MTR: variants seen among roughly 807,000 people sequenced by gnomAD.
The protein encoded by MTR is methionine synthase.
In MTR, 84 loss-of-function variants were observed where a neutral mutation model predicts 154.8. The ratio of observed to expected loss-of-function variants is 0.54; its 90% CI spans 0.45 to 0.65. The LOEUF is 0.65. Ranked by LOEUF, MTR falls within the 30% of genes least tolerant of loss-of-function variation. The pLI, the probability that MTR is intolerant of heterozygous loss-of-function variation, is 0.00. For missense variants in MTR, 1,275 were observed against 1,570.2 expected (o/e 0.81, Z 3.18); for synonymous variants, 554 against 553.9 (o/e 1.00, Z 0.00).
rs1660310374 is a variant in MTR, at chr1:236,795,418, G to A, written c.-286G>A. On this transcript the variant is annotated 5_prime_UTR_variant, in exon 1 of 33. Coordinates refer to ENST00000366577, the MANE Select transcript of MTR (RefSeq NM_000254.3). ...CCGTCCCGCGACTCCGCCTCTGGCC[G>A]CGCGTGTCTGGCTGCTAGGCCGACA... 6.8e-7 allele frequency: 1 copy of A among 1,463,234 alleles called. No homozygotes were observed. Among genetic ancestry groups the A allele is most frequent in the East Asian group, 2.9e-5 (1 of 34,672 alleles). The allele number at this position is 1,463,234 out of a possible 1,614,324, so 90.6% of individuals were successfully genotyped here.
chr1:236,806,244 C>T lies in MTR; in HGVS notation c.339+11C>T. Reference sequence around the variant, plus strand: ...GGCCTTGAACACTTGGTAAGAATTCCATTGTTCCATGTGTCTAAGATGCTT... The same window carrying T: ...GGCCTTGAACACTTGGTAAGAATTCTATTGTTCCATGTGTCTAAGATGCTT... On this transcript the variant is annotated intron_variant, in intron 3 of 32. Transcript: ENST00000366577. The T allele has an allele frequency of 6.2e-7, 1 of 1,601,988 alleles. No individual in the cohort carries two copies. Among genetic ancestry groups the T allele is most frequent in the Non-Finnish European group, 8.6e-7 (1 of 1,169,048 alleles).
In MTR at chr1:236,852,358, G is replaced by A. The variant is rs543974983; in HGVS notation, c.1696-163G>A. Among the ~76,000 whole-genome samples the A allele has an allele frequency of 2.0e-5, 3 of 152,062 alleles. No homozygotes were observed. The East Asian group carries it at 5.8e-4, about 29-fold the overall frequency. The stretch of plus-strand genomic sequence containing the variant: ...CAGCGCCTTTGTAATACTGTAATAC[G>A]GCAAGCTTTGGTCTATGTCTAGTAA... On this transcript the variant is annotated intron_variant, in intron 16 of 32. Coordinates refer to ENST00000366577, the MANE Select transcript of MTR (RefSeq NM_000254.3).
In MTR at chr1:236,885,328, G is replaced by T. The variant is rs1047231016; in HGVS notation, c.2775+109G>T. The T allele has an allele frequency of 2.7e-5, 20 of 737,878 alleles. 1 individual carries two copies. Among genetic ancestry groups the T allele is most frequent in the Non-Finnish European group, 4.5e-5 (19 of 420,586 alleles). 45.7% of individuals were successfully genotyped at this position (737,878 alleles called of 1,614,324 possible). A position where few individuals can be genotyped will look rare whatever the true frequency, so the allele number is the denominator to read the frequency against. On this transcript the variant is annotated intron_variant, in intron 26 of 32. Transcript: ENST00000366577. Reference sequence around the variant, plus strand: ...GTTTTGAGGAGTGTAAAAGGCTTTGGATCATTTTAGAGAATTTCTGTCTTC... The same window carrying T: ...GTTTTGAGGAGTGTAAAAGGCTTTGTATCATTTTAGAGAATTTCTGTCTTC...
At position 236,888,884 on chromosome 1, in the gene MTR, G is replaced by A. The variant is rs1236851458; in HGVS notation, c.2852-297G>A. Among the ~76,000 whole-genome samples, 6 of 152,342 alleles carry A rather than the reference G, an allele frequency of 3.9e-5. No individual in the cohort carries two copies. In the South Asian group the frequency reaches 6.2e-4, roughly 16 times the overall value. On this transcript the variant is annotated intron_variant, in intron 27 of 32. Coordinates refer to ENST00000366577, the MANE Select transcript of MTR (RefSeq NM_000254.3). ...ACCTTGTCTTCATTTGTGCAAGTGAGGATTAACCCGTCTGTCTTTCCTTCT... is the reference window on the plus strand; with the variant it reads ...ACCTTGTCTTCATTTGTGCAAGTGAAGATTAACCCGTCTGTCTTTCCTTCT...
chr1:236,820,564 A>C lies in MTR; in HGVS notation c.765-3555A>C, dbSNP rs1460360226. ...GTTAAGTAACATGGAAATAAGGCTGATGGAAAATAAGCGTCAGTTTCTTAA... is the reference window on the plus strand; with the variant it reads ...GTTAAGTAACATGGAAATAAGGCTGCTGGAAAATAAGCGTCAGTTTCTTAA... On this transcript the variant is annotated intron_variant, in intron 8 of 32. Transcript: ENST00000366577. 1.2e-5 allele frequency: 7 copies of C among 578,204 alleles called. No individual in the cohort carries two copies. In the Admixed American group the frequency reaches 2.0e-4, roughly 17 times the overall value. 35.8% of individuals were successfully genotyped at this position (578,204 alleles called of 1,614,324 possible).
intron 8 of MTR, among the ~76,000 whole-genome samples, chr1:236,823,573 C>T (rs984434265): frequency 6.6e-6 from 1 of 152,050 alleles, no homozygotes. Flanking sequence ...TTAGAGATCA[C>T]ATAGTCTAGT....
rs933687124 is a variant in MTR at position 236,901,850 on chromosome 1, A to G, written c.*4206A>G. The G allele has an allele frequency of 6.6e-6, 1 of 152,154 alleles. No individual in the cohort carries two copies. The highest frequency in any genetic ancestry group is 2.4e-5 in the African/African-American group (1 of 41,398). The allele number at this position is 152,154 out of a possible 1,614,324, so 9.4% of individuals were successfully genotyped here. On this transcript the variant is annotated 3_prime_UTR_variant, in exon 33 of 33. Transcript: ENST00000366577. Reference sequence around the variant, plus strand: ...ATCATTCTGGGGATTCCATTTCAACATGATTTGGGGGATACATCAGACCAT... The same window carrying G: ...ATCATTCTGGGGATTCCATTTCAACGTGATTTGGGGGATACATCAGACCAT...
At position 236,815,623 on chromosome 1, in the gene MTR, A is replaced by C. The variant is rs1304651259; in HGVS notation, c.629A>C (p.Gln210Pro). Residue 210 changes from glutamine (Q) to proline (P), a missense_variant, in exon 7 of 33, where the codon CAA becomes CCA. Gln to Pro is a moderately conservative substitution (Grantham distance 76). Coordinates refer to ENST00000366577, the MANE Select transcript of MTR (RefSeq NM_000254.3). The stretch of plus-strand genomic sequence containing the variant: ...TGACAGGCAGCCTTGTTTGCACTCC[A>C]AAATCTTTTTGAGGAGAAATATGCT... ...ANAKAALFAL[Q>P]NLFEEKYAPR... 4 of 1,613,936 alleles carry C rather than the reference A, an allele frequency of 2.5e-6. No individual in the cohort carries two copies. In the South Asian group the frequency reaches 4.4e-5, roughly 18 times the overall value.
In MTR at chr1:236,891,556, C is replaced by T. The variant is rs112661681; in HGVS notation, c.3204+227C>T. ...GCAGGACCACTCAGCAGGAGTGAGG[C>T]GTTTAATATTGTGTTCCATGGATGG... On this transcript the variant is annotated intron_variant, in intron 29 of 32. Transcript: ENST00000366577. Among the ~76,000 whole-genome samples the T allele has an allele frequency of 9.2e-3, 1,400 of 152,098 alleles. 13 individuals carry two copies. Among genetic ancestry groups the T allele is most frequent in the African/African-American group, 0.03 (1,250 of 41,472 alleles).
At chr1:236,876,506 A>G (rs1665441447) in intron 24 of MTR, among the ~76,000 whole-genome samples, 1 of 152,226 alleles carries the variant, frequency 6.6e-6, no homozygotes, top group South Asian at 2.1e-4. Flanking sequence ...GAAAGACTTT[A>G]ATATCAACTG....
chr1:236,820,075 C>CTT, intron 8 of MTR: 1 of 776,440 alleles, frequency 1.3e-6, no homozygotes, highest in Non-Finnish European at 2.3e-6. Context: ...TACCATTGCG[C>CTT]TGTGTAACAC....
At chr1:236,849,997 T>C (rs1056365938) in intron 15 of MTR, among the ~76,000 whole-genome samples, 2 of 152,172 alleles carry the variant, frequency 1.3e-5, no homozygotes, top group African/African-American at 2.4e-5. Context: ...TATGCATGTA[T>C]TTTTAGAAGC....
In MTR at chr1:236,891,261, C is replaced by T; in HGVS notation, c.3136C>T (p.Leu1046=). 1 of 1,614,158 alleles carries T rather than the reference C, an allele frequency of 6.2e-7. No homozygotes were observed. The highest frequency in any genetic ancestry group is 1.1e-5 in the South Asian group (1 of 91,074). The part of the protein sequence containing the change: ...PAQSIQDDIH[L]YAEAAVPQAA... ...ACAGAGTATCCAAGACGACATTCACCTGTACGCAGAGGCTGCTGTGCCCCA... is the reference window on the plus strand; with the variant it reads ...ACAGAGTATCCAAGACGACATTCACTTGTACGCAGAGGCTGCTGTGCCCCA... Residue 1046 remains leucine, a synonymous_variant, in exon 29 of 33, where the codon CTG becomes TTG. Transcript: ENST00000366577.
Position 236,895,391 on chromosome 1 carries a change from C to G in MTR, c.3439C>G (p.Arg1147Gly). ...AGAAGAGCTCCATGAAAGAGTTCGCCGAGAACTGTGGGCCTACTGTGGCAG... is the reference window on the plus strand; with the variant it reads ...AGAAGAGCTCCATGAAAGAGTTCGCGGAGAACTGTGGGCCTACTGTGGCAG... ...FAEELHERVR[R>G]ELWAYCGSEQ... is the part of the protein sequence containing the mutation. Residue 1147 changes from arginine (R) to glycine (G), a missense_variant, in exon 31 of 33, where the codon CGA becomes GGA. By Grantham distance (125) the Arg-to-Gly change is moderately radical (BLOSUM62 -2). Coordinates refer to ENST00000366577, the MANE Select transcript of MTR (RefSeq NM_000254.3). 1.2e-5 allele frequency: 20 copies of G among 1,604,320 alleles called. No homozygotes were observed. The highest frequency in any genetic ancestry group is 1.4e-5 in the Non-Finnish European group (17 of 1,175,134).
rs747494979 is a variant in MTR at position 236,810,579 on chromosome 1, G to A, written c.486G>A (p.Pro162=). The change falls in exon 5 of 33, where the codon CCG becomes CCA. Residue 162 remains proline (P), a synonymous_variant. Coordinates refer to ENST00000366577, the MANE Select transcript of MTR (RefSeq NM_000254.3). ...TLSVSPSVER[P]DYRNITFDEL... is the part of the protein sequence containing the mutation. The stretch of plus-strand genomic sequence containing the variant: ...CTGTGTCCCCATCTGTGGAAAGGCC[G>A]GATTATAGGAACATCAGTGAGTATT... The A allele has an allele frequency of 1.7e-5, 27 of 1,613,266 alleles. No individual in the cohort carries two copies. In the Middle Eastern group the frequency reaches 5.0e-4, roughly 30 times the overall value.
chr1:236,799,746 TC>T (rs1279129632), intron 1 of MTR, among the ~76,000 whole-genome samples: 6 of 152,032 alleles, frequency 3.9e-5, no homozygotes, highest in Non-Finnish European at 7.4e-5. Flanking sequence ...ATGGTGACTT[TC>T]GTTTAACAGA....
At position 236,795,725 on chromosome 1, in the gene MTR, C is replaced by G. The variant is rs376654651; in HGVS notation, c.22C>G (p.Leu8Val). 29 of 1,614,206 alleles carry G rather than the reference C, an allele frequency of 1.8e-5. No individual in the cohort carries two copies. In the African/African-American group the frequency reaches 2.4e-4, roughly 13 times the overall value. Reference sequence around the variant, plus strand: ...CAACATGTCACCCGCGCTCCAAGACCTGTCGCAACCCGGTAACGCTGCGAC... The same window carrying G: ...CAACATGTCACCCGCGCTCCAAGACGTGTCGCAACCCGGTAACGCTGCGAC... The part of the protein sequence containing the change: MSPALQD[L>V]SQPEGLKKTL... The change falls in exon 1 of 33, where the codon CTG becomes GTG. Residue 8 changes from leucine to valine, a missense_variant. Transcript: ENST00000366577.
intron 5 of MTR, chr1:236,811,658 G>C (rs1377849392): frequency 2.2e-6 from 1 of 456,236 alleles, no homozygotes. Flanking sequence ...TGCCAGTGGG[G>C]AGCTAACTTA....
intron 18 of MTR, among the ~76,000 whole-genome samples, chr1:236,854,371 G>T (rs1664082770): frequency 6.6e-6 from 1 of 152,168 alleles, no homozygotes; most frequent in African/African-American, 2.4e-5. Flanking sequence ...GGTTGTGGCA[G>T]ATACAATCAA....
Sources: allele counts gnomAD v4.1 joint callset (sites outside exome capture counted in the v4.1 genomes callset), GRCh38; gene constraint gnomAD v4.1.1; transcripts MANE v1.5; gene names NCBI Gene and HGNC (gene_info 2026-07-23, HGNC 2026-07-21).